ATXN1: variants seen among roughly 807,000 people sequenced by gnomAD.
ATXN1 encodes the protein ataxin 1, also known as ataxin-1.
A neutral mutation model predicts 56.4 loss-of-function variants in ATXN1; 8 were observed. That is an observed-to-expected ratio of 0.14 (90% confidence interval 0.08 to 0.26). ATXN1 has a LOEUF of 0.26. Among genes scored for constraint, ATXN1 ranks in the 10% least tolerant of loss-of-function variants. The pLI is 1.00. For synonymous variants in ATXN1, 514 were observed against 494.6 expected (o/e 1.04, Z -0.52); for missense variants, 987 against 1,106.5 (o/e 0.89, Z 1.53).
Position 16,326,816 on chromosome 6 carries a change from T to C in ATXN1, c.1495A>G (p.Met499Val). 1.2e-6 allele frequency: 2 copies of C among 1,608,224 alleles called. No individual in the cohort carries two copies. The highest frequency in any genetic ancestry group is 8.5e-7 in the Non-Finnish European group (1 of 1,175,828). Residue 499 changes from methionine to valine, a missense_variant, in exon 7 of 8, where the codon ATG becomes GTG. Coordinates refer to ENST00000436367, the MANE Select transcript of ATXN1 (RefSeq NM_001128164.2). This position sits in a 1 kb window ranked among gnomAD's most constrained non-coding sequence, Gnocchi z 6.6. The part of the protein sequence containing the change: ...PLLIPVGSTD[M>V]EASGAAPAIV... ...GCCGGGGCTGCCCCCGACGCTTCCA[T>C]GTCAGTGCTGCCGACCGGGATGAGC...
At chr6:16,636,774 T>A (rs1396150675) in intron 3 of ATXN1, among the ~76,000 whole-genome samples, 2 of 152,216 alleles carry the variant, frequency 1.3e-5, no homozygotes, top group Admixed American at 1.3e-4. Flanking sequence ...GAATGCCAGG[T>A]GCACTTTAAA....
intron 2 of ATXN1, among the ~76,000 whole-genome samples, chr6:16,704,018 T>C (rs1200896296): frequency 6.6e-6 from 1 of 152,144 alleles, no homozygotes; most frequent in Non-Finnish European, 1.5e-5. Context: ...AGATTCCATC[T>C]CAAAAAAACA....
intron 4 of ATXN1, among the ~76,000 whole-genome samples, chr6:16,551,982 C>T (rs141274783): frequency 1.3e-3 from 197 of 152,272 alleles, no homozygotes; most frequent in African/African-American, 4.4e-3. Context: ...TGGCTGTGCT[C>T]GGGCTGTGAA....
At chr6:16,401,943 T>C (rs930429150) in intron 6 of ATXN1, among the ~76,000 whole-genome samples, 32 of 152,160 alleles carry the variant, frequency 2.1e-4, no homozygotes, top group African/African-American at 6.8e-4. Flanking sequence ...AGCCTCTCAA[T>C]CATGGTGGAA....
At chr6:16,364,796 C>A (rs1195865031) in intron 6 of ATXN1, among the ~76,000 whole-genome samples, 1 of 98,838 alleles carries the variant, frequency 1.0e-5, no homozygotes, top group Non-Finnish European at 2.0e-5. Context: ...GGGATCCACT[C>A]GTTCAGATTA....
intron 2 of ATXN1, among the ~76,000 whole-genome samples, chr6:16,722,102 A>C (rs1266727964): frequency 6.6e-5 from 10 of 152,312 alleles, no homozygotes; most frequent in African/African-American, 2.2e-4. Context: ...TTAGGCACCA[A>C]CTCAAAGCAA....
At chr6:16,407,648 T>A (rs1758712446) in intron 6 of ATXN1, among the ~76,000 whole-genome samples, 1 of 152,160 alleles carries the variant, frequency 6.6e-6, no homozygotes, top group Admixed American at 6.5e-5. Context: ...AGTTGTGGAG[T>A]TAGGCTAGAA....
chr6:16,613,302 T>G (rs1001868571), intron 3 of ATXN1, among the ~76,000 whole-genome samples: 2 of 150,474 alleles, frequency 1.3e-5, no homozygotes. Context: ...AAAATTATTT[T>G]AAAAGGCTAT....
intron 6 of ATXN1, among the ~76,000 whole-genome samples, chr6:16,429,927 C>A (rs1355145229): frequency 6.6e-6 from 1 of 152,144 alleles, no homozygotes; most frequent in Admixed American, 6.5e-5. Flanking sequence ...TAGCTGGAGG[C>A]AAATTCTACC....
chr6:16,388,913 TA>T (rs887510797), intron 6 of ATXN1, among the ~76,000 whole-genome samples: 2 of 152,064 alleles, frequency 1.3e-5, no homozygotes, highest in Non-Finnish European at 2.9e-5. Context: ...TATCATTATT[TA>T]AAAAAAATAG....
chr6:16,761,025 CCCGGGAG>C lies in ATXN1; in HGVS notation c.-730+266_-730+272del, dbSNP rs1233248119. On this transcript the variant is annotated intron_variant, in intron 1 of 7. Transcript: ENST00000436367. ...CCTGCGCCCAGAGTGGGGGTGTCGG[CCCGGGAG>C]CCTGGAGCCGGGGACGGTTGTATGT... is the stretch of plus-strand genomic sequence containing the variant. 14 of 174,498 alleles carry C rather than the reference CCCGGGAG, an allele frequency of 8.0e-5. No individual in the cohort carries two copies. The East Asian group carries it at 2.3e-3, about 28-fold the overall frequency. The allele number at this position is 174,498 out of a possible 1,614,324, so 10.8% of individuals were successfully genotyped here.
At chr6:16,316,984 T>G (rs1760528542) in intron 7 of ATXN1, among the ~76,000 whole-genome samples, 1 of 150,634 alleles carries the variant, frequency 6.6e-6, no homozygotes, top group African/African-American at 2.5e-5. Context: ...ACAGGCAGCT[T>G]TCTCAGCGGA....
At chr6:16,525,404 G>A (rs1427093240) in intron 4 of ATXN1, among the ~76,000 whole-genome samples, 1 of 152,144 alleles carries the variant, frequency 6.6e-6, no homozygotes, top group Non-Finnish European at 1.5e-5. Context: ...ATTATGTTAA[G>A]TGAAAAAAGC....
chr6:16,453,371 G>T (rs904007246), intron 6 of ATXN1, among the ~76,000 whole-genome samples: 1 of 152,172 alleles, frequency 6.6e-6, no homozygotes, highest in African/African-American at 2.4e-5. Flanking sequence ...TGAGGCAGGA[G>T]AATCGCTTGA....
intron 4 of ATXN1, among the ~76,000 whole-genome samples, chr6:16,533,320 A>G (rs1390326152): frequency 6.6e-6 from 1 of 152,174 alleles, no homozygotes; most frequent in Non-Finnish European, 1.5e-5. Context: ...GTTTCAAATG[A>G]GAGTTGAAAC....
At chr6:16,632,104 T>C (rs910403764) in intron 3 of ATXN1, among the ~76,000 whole-genome samples, 2 of 152,228 alleles carry the variant, frequency 1.3e-5, no homozygotes, top group African/African-American at 4.8e-5. Context: ...ATGCTCTTAA[T>C]GAGATGCCTT....
In ATXN1 at chr6:16,697,445, C is replaced by CT. The variant is rs945652933; in HGVS notation, c.-614-39545dup. Among the ~76,000 whole-genome samples the CT allele has an allele frequency of 4.0e-4, 60 of 149,168 alleles. 1 individual carries two copies. The highest frequency in any genetic ancestry group is 1.7e-3 in the South Asian group (8 of 4,690). ...GTTGATTCATCTTTTTAACAGCACT[C>CT]TTTTTTTTTTGGTACAAAAATCTCT... On this transcript the variant is annotated intron_variant, in intron 2 of 7. Coordinates refer to ENST00000436367, the MANE Select transcript of ATXN1 (RefSeq NM_001128164.2).
At chr6:16,346,321 G>A (rs1458370159) in intron 6 of ATXN1, among the ~76,000 whole-genome samples, 2 of 152,098 alleles carry the variant, frequency 1.3e-5, no homozygotes, top group Non-Finnish European at 2.9e-5. Flanking sequence ...CCCAAAGTGG[G>A]AGTGAGCCAC....
intron 6 of ATXN1, among the ~76,000 whole-genome samples, chr6:16,476,810 C>G (rs773753100): frequency 2.1e-4 from 32 of 152,216 alleles, no homozygotes; most frequent in Non-Finnish European, 3.2e-4. Context: ...CCCAGATCTT[C>G]ACTACCAGCC....
Sources: gnomAD v4.1 joint callset for allele counts (sites outside exome capture counted in the v4.1 genomes callset) on GRCh38, gnomAD v4.1.1 for gene constraint, Gnocchi (gnomAD v3.1) non-coding constraint, MANE v1.5 for transcripts, NCBI Gene and HGNC (gene_info 2026-07-23, HGNC 2026-07-21) for gene names.